Variants in PTPN20 observed in about 807,000 individuals in gnomAD.
The protein encoded by PTPN20 is protein tyrosine phosphatase non-receptor type 20, also known as tyrosine-protein phosphatase non-receptor type 20.
In PTPN20, 9 loss-of-function variants were observed where a neutral mutation model predicts 35.0. That is an observed-to-expected ratio of 0.26 (90% CI 0.15 to 0.45). The LOEUF is 0.45. Ranked by LOEUF, PTPN20 falls within the 20% of genes least tolerant of loss-of-function variation. The pLI is 1.00. For missense variants in PTPN20, 111 were observed against 312.5 expected, an observed-to-expected ratio of 0.36 and a Z score of 4.86; for synonymous variants, 32 against 100.2, an observed-to-expected ratio of 0.32 and a Z score of 4.06.
At chr10:46,948,812 A>T (rs1433244934) in intron 5 of PTPN20, among the ~76,000 whole-genome samples, 1 of 148,964 alleles carries the variant, frequency 6.7e-6, no homozygotes, top group African/African-American at 2.5e-5. Flanking sequence ...AGCCTTGGGC[A>T]GGTCCTCTGT....
intron 5 of PTPN20, among the ~76,000 whole-genome samples, chr10:46,951,103 A>G (rs1340534586): frequency 2.0e-5 from 3 of 151,760 alleles, no homozygotes; most frequent in South Asian, 2.1e-4. Flanking sequence ...TGTTCGTTTT[A>G]TATTTTAATG....
chr10:46,995,627 G>A (rs1053715704), intron 9 of PTPN20, among the ~76,000 whole-genome samples: 38 of 152,258 alleles, frequency 2.5e-4, no homozygotes, highest in Middle Eastern at 3.4e-3. Context: ...GCTGGGGATG[G>A]TAGTCCCACC....
chr10:46,983,362 G>C (rs2056122956), intron 7 of PTPN20, among the ~76,000 whole-genome samples: 1 of 150,896 alleles, frequency 6.6e-6, no homozygotes, highest in Non-Finnish European at 1.5e-5. Context: ...ATATTTACTA[G>C]ATAAGTGGTC....
At chr10:46,945,721 T>C (rs1333908730) in intron 4 of PTPN20, among the ~76,000 whole-genome samples, 2 of 151,598 alleles carry the variant, frequency 1.3e-5, no homozygotes, top group Non-Finnish European at 2.9e-5. Context: ...AGAGCCAAGT[T>C]AATAGCATTA....
At chr10:46,999,284 C>T (rs1398790013) in intron 9 of PTPN20, among the ~76,000 whole-genome samples, 4 of 152,188 alleles carry the variant, frequency 2.6e-5, no homozygotes, top group African/African-American at 7.2e-5. Context: ...ACATGTGACT[C>T]TCCAGGCAAG....
In PTPN20 at chr10:46,924,718, AT is replaced by A. The variant is rs2036591887; in HGVS notation, c.-123-7651del. On this transcript the variant is annotated intron_variant, in intron 1 of 10. Coordinates refer to ENST00000374339, the MANE Select transcript of PTPN20 (RefSeq NM_001042357.5). Reference sequence around the variant, plus strand: ...GAAAGCCTCTAGATTCTCCCTGTAGATTTTTTTTGTAGATATTTTTTATCAA... The same window carrying A: ...GAAAGCCTCTAGATTCTCCCTGTAGATTTTTTTGTAGATATTTTTTATCAA... Among the ~76,000 whole-genome samples the A allele has an allele frequency of 2.1e-5, 2 of 97,298 alleles. 1 individual carries two copies. Among genetic ancestry groups the A allele is most frequent in the Non-Finnish European group, 4.0e-5 (2 of 49,764 alleles). 63.8% of individuals were successfully genotyped at this position (97,298 alleles called of 152,430 possible).
Position 47,000,745 on chromosome 10 carries a change from A to G in PTPN20, c.*4A>G. On this transcript the variant is annotated 3_prime_UTR_variant, in exon 11 of 11. Transcript: ENST00000374339. The stretch of plus-strand genomic sequence containing the variant: ...GAAACTTCTGACTTTGGATTAAGAA[A>G]GACTTCTGTTGCCTCTCACTTGAAA... 4 of 1,613,544 alleles carry G rather than the reference A, an allele frequency of 2.5e-6. No homozygotes were observed. The highest frequency in any genetic ancestry group is 3.4e-6 in the Non-Finnish European group (4 of 1,179,560).
chr10:47,000,668 G>T lies in PTPN20; in HGVS notation c.1198-8G>T, dbSNP rs1416302352. The T allele has an allele frequency of 2.5e-6, 4 of 1,612,900 alleles. No homozygotes were observed. Among genetic ancestry groups the T allele is most frequent in the Non-Finnish European group, 3.4e-6 (4 of 1,179,090 alleles). ...ACATTCTGTTGTTTTTTATATATAT[G>T]TATATAGGAGCAGTATCACTTTTGT... is the stretch of plus-strand genomic sequence containing the variant. On this transcript the variant is annotated splice_region_variant and splice_polypyrimidine_tract_variant and intron_variant, in intron 10 of 10. Transcript: ENST00000374339.
At chr10:46,954,659 G>C (rs1229380657) in intron 5 of PTPN20, among the ~76,000 whole-genome samples, 1 of 147,342 alleles carries the variant, frequency 6.8e-6, no homozygotes, top group Non-Finnish European at 1.5e-5. Context: ...AGTTTGGCTA[G>C]AGACTGTATC....
At position 47,000,999 on chromosome 10, in the gene PTPN20, C is replaced by G; in HGVS notation, c.*258C>G. The G allele has an allele frequency of 1.8e-6, 1 of 541,140 alleles. No homozygotes were observed. The highest frequency in any genetic ancestry group is 2.2e-5 in the South Asian group (1 of 45,876). 33.5% of individuals were successfully genotyped at this position (541,140 alleles called of 1,614,324 possible). ...CCAGTGAAACAGATGTTACATAAAA[C>G]GATTGCAGCTTGGCTATTTGGTTGA... On this transcript the variant is annotated 3_prime_UTR_variant, in exon 11 of 11. Coordinates refer to ENST00000374339, the MANE Select transcript of PTPN20 (RefSeq NM_001042357.5).
chr10:46,937,987 T>C (rs1447590941), intron 2 of PTPN20, among the ~76,000 whole-genome samples: 2 of 150,592 alleles, frequency 1.3e-5, no homozygotes, highest in African/African-American at 4.9e-5. Flanking sequence ...TCTCACTCTG[T>C]CTCATAGGCT....
chr10:46,997,577 A>G (rs1349599479), intron 9 of PTPN20, among the ~76,000 whole-genome samples: 5 of 151,804 alleles, frequency 3.3e-5, no homozygotes, highest in Non-Finnish European at 7.4e-5. Context: ...GGGAAAGCAA[A>G]CTAAAATTTT....
Position 46,984,412 on chromosome 10 carries a change from A to G in PTPN20, c.766A>G (p.Arg256Gly). The G allele has an allele frequency of 1.2e-6, 2 of 1,611,820 alleles. No individual in the cohort carries two copies. Among genetic ancestry groups the G allele is most frequent in the South Asian group, 1.1e-5 (1 of 90,972 alleles). ...NNSNVIAMIT[R>G]EIEGGIIKCY... The stretch of plus-strand genomic sequence containing the variant: ...TTCAAATGTTATTGCCATGATAACC[A>G]GAGAGATAGAAGGTGGAATTATCAA... Residue 256 changes from arginine to glycine, a missense_variant, in exon 8 of 11, where the codon AGA (arginine) becomes GGA (glycine). Arg to Gly is a moderately radical substitution (Grantham distance 125). Transcript: ENST00000374339.
In PTPN20 at chr10:46,940,626, A is replaced by G. The variant is rs2043172786; in HGVS notation, c.38A>G (p.Asn13Ser). 9 of 1,610,810 alleles carry G rather than the reference A, an allele frequency of 5.6e-6. No individual in the cohort carries two copies. Among genetic ancestry groups the G allele is most frequent in the South Asian group, 3.3e-5 (3 of 90,970 alleles). Residue 13 changes from asparagine to serine, a missense_variant, in exon 3 of 11, where the codon AAC becomes AGC. Around this residue, in one of 5 missense-constraint regions of PTPN20, gnomAD observed 22 missense variants for 49.2 expected, o/e 0.45. Coordinates refer to ENST00000374339, the MANE Select transcript of PTPN20 (RefSeq NM_001042357.5). ...SPRDFRAEPV[N>S]DYEGNDSEAE... ...TTTTCCCCCCGCCTTTGTTCAGTAAACGATTATGAGGGAAATGACTCTGAA... is the reference window on the plus strand; with the variant it reads ...TTTTCCCCCCGCCTTTGTTCAGTAAGCGATTATGAGGGAAATGACTCTGAA...
At chr10:46,925,126 A>T (rs1370051357) in intron 1 of PTPN20, among the ~76,000 whole-genome samples, 2 of 151,172 alleles carry the variant, frequency 1.3e-5, no homozygotes, top group African/African-American at 4.9e-5. Context: ...TGGTGACTGG[A>T]TAAGGTATGG....
At chr10:46,938,809 GTTGT>G (rs1265727070) in intron 2 of PTPN20, among the ~76,000 whole-genome samples, 7 of 100,986 alleles carry the variant, frequency 6.9e-5, no homozygotes, top group Non-Finnish European at 1.1e-4. Flanking sequence ...ATCACAGTCT[GTTGT>G]TTAAGGTCTG....
intron 9 of PTPN20, among the ~76,000 whole-genome samples, chr10:46,995,652 C>G: frequency 1.3e-5 from 2 of 152,298 alleles, no homozygotes; most frequent in East Asian, 3.9e-4. Flanking sequence ...CTGTTTGTTT[C>G]TGACTCTTCT....
intron 2 of PTPN20, among the ~76,000 whole-genome samples, chr10:46,940,076 C>T (rs1208659029): frequency 1.3e-5 from 2 of 151,614 alleles, no homozygotes; most frequent in Admixed American, 1.3e-4. Context: ...AAAATTAACA[C>T]AGTAATTAGG....
At chr10:46,933,578 C>T (rs2040465737) in intron 2 of PTPN20, among the ~76,000 whole-genome samples, 1 of 141,948 alleles carries the variant, frequency 7.0e-6, no homozygotes, top group African/African-American at 2.7e-5. Context: ...TAAGTTTATT[C>T]TGCATAGGAA....
Sources: allele counts gnomAD v4.1 joint callset (sites outside exome capture counted in the v4.1 genomes callset), GRCh38; gene constraint gnomAD v4.1.1; regional missense constraint gnomAD v4.1.1; transcripts MANE v1.5; gene names NCBI Gene and HGNC (gene_info 2026-07-23, HGNC 2026-07-21).